The following PLEKHG1 variants were observed in gnomAD, a reference collection of about 807,000 sequenced individuals.
The protein encoded by PLEKHG1 is pleckstrin homology and RhoGEF domain containing G1.
In PLEKHG1, 44 loss-of-function variants were observed where a neutral mutation model predicts 100.8. The ratio of observed to expected loss-of-function variants is 0.44; its 90% CI spans 0.34 to 0.56. PLEKHG1 has a LOEUF of 0.56. Among genes scored for constraint, PLEKHG1 ranks in the 20% least tolerant of loss-of-function variants. The pLI is 0.01. For synonymous variants in PLEKHG1, 640 were observed against 662.5 expected, an observed-to-expected ratio of 0.97 and a Z score of 0.52; for missense variants, 1,545 against 1,720.9, an observed-to-expected ratio of 0.90 and a Z score of 1.81.
intron 1 of PLEKHG1, among the ~76,000 whole-genome samples, chr6:150,613,590 A>G (rs938344390): frequency 1.3e-5 from 2 of 152,242 alleles, no homozygotes; most frequent in African/African-American, 4.8e-5. Context: ...GAGGGGAAGC[A>G]GTAGAAAACA....
intron 4 of PLEKHG1, among the ~76,000 whole-genome samples, chr6:150,792,766 A>G (rs1203759772): frequency 6.6e-6 from 1 of 152,204 alleles, no homozygotes; most frequent in African/African-American, 2.4e-5. Context: ...CAGCAAGAGT[A>G]TCCCTGATAC....
intron 3 of PLEKHG1, among the ~76,000 whole-genome samples, chr6:150,777,570 A>G (rs1785056444): frequency 6.6e-6 from 1 of 150,768 alleles, no homozygotes; most frequent in Admixed American, 6.6e-5. Flanking sequence ...ATCCTGGTGT[A>G]CATGTGCGGT....
chr6:150,721,272 G>A (rs1175719811), intron 1 of PLEKHG1: 1 of 673,762 alleles, frequency 1.5e-6, no homozygotes, highest in Non-Finnish European at 1.8e-6. Context: ...GGAGCAGCCA[G>A]AGAGGTCCAC....
At chr6:150,637,655 C>G (rs573536152) in intron 1 of PLEKHG1, among the ~76,000 whole-genome samples, 1 of 151,998 alleles carries the variant, frequency 6.6e-6, no homozygotes, top group African/African-American at 2.4e-5. Flanking sequence ...GTTAGACTTA[C>G]GACATAGTTG....
At chr6:150,796,541 T>C (rs1786345847) in intron 5 of PLEKHG1, among the ~76,000 whole-genome samples, 1 of 152,216 alleles carries the variant, frequency 6.6e-6, no homozygotes, top group Non-Finnish European at 1.5e-5. Flanking sequence ...CGGTAGGAAT[T>C]TCTTTTTTTC....
chr6:150,748,615 C>CTTTTTTTTTT (rs746682669), intron 2 of PLEKHG1, among the ~76,000 whole-genome samples: 1 of 118,196 alleles, frequency 8.5e-6, no homozygotes, highest in Admixed American at 9.4e-5. Flanking sequence ...TACCTTTGAC[C>CTTTTTTTTTT]TTTTTTTTTT....
At chr6:150,620,929 G>A in intron 1 of PLEKHG1, among the ~76,000 whole-genome samples, 1 of 152,156 alleles carries the variant, frequency 6.6e-6, no homozygotes, top group Non-Finnish European at 1.5e-5. Flanking sequence ...ATAAAACTTG[G>A]TTGTTCATAA....
exon 16 of PLEKHG1, chr6:150,840,470 C>T: frequency 6.2e-7 from 1 of 1,614,180 alleles, no homozygotes; most frequent in Non-Finnish European, 8.5e-7. Flanking sequence ...CACTCCAAGA[C>T]TCACAGAAAG....
chr6:150,831,598 T>A lies in PLEKHG1; in HGVS notation c.2487T>A (p.Asp829Glu). The A allele has an allele frequency of 3.7e-6, 6 of 1,614,158 alleles. No individual in the cohort carries two copies. The highest frequency in any genetic ancestry group is 5.1e-6 in the Non-Finnish European group (6 of 1,180,020). ...CTATGCCTCATAAGCCTGTATCTGA[T>A]AAACTGTCCGAAGAAGTAGATGAAA... Residue 829 changes from aspartate to glutamate, a missense_variant, in exon 15 of 16, where the codon GAT becomes GAA. Asp to Glu is a conservative substitution (Grantham distance 45). Coordinates refer to ENST00000358517, the Ensembl canonical transcript of PLEKHG1. This position sits in a 1 kb window ranked among gnomAD's most constrained non-coding sequence, Gnocchi z 4.1.
chr6:150,662,220 T>G (rs1779221953), intron 3 of PLEKHG1, among the ~76,000 whole-genome samples: 1 of 152,242 alleles, frequency 6.6e-6, no homozygotes. Context: ...TTCTGGTGTC[T>G]TCAACACATT....
At chr6:150,665,895 G>C (rs893091898) in intron 3 of PLEKHG1, among the ~76,000 whole-genome samples, 33 of 152,202 alleles carry the variant, frequency 2.2e-4, no homozygotes, top group Admixed American at 2.0e-3. Context: ...GGAAGGCACA[G>C]TTAAGGCTAA....
intron 3 of PLEKHG1, among the ~76,000 whole-genome samples, chr6:150,664,798 G>T (rs1353355295): frequency 6.6e-6 from 1 of 152,194 alleles, no homozygotes; most frequent in East Asian, 1.9e-4. Flanking sequence ...TTTGGGATAC[G>T]TGCAAGAATC....
intron 1 of PLEKHG1, among the ~76,000 whole-genome samples, chr6:150,630,808 G>C (rs888853710): frequency 6.6e-6 from 1 of 152,146 alleles, no homozygotes; most frequent in African/African-American, 2.4e-5. Flanking sequence ...GCTGATCTCA[G>C]GGCACCCCAG....
At chr6:150,800,420 TC>T (rs1265110766) in intron 5 of PLEKHG1, among the ~76,000 whole-genome samples, 1 of 152,172 alleles carries the variant, frequency 6.6e-6, no homozygotes, top group Non-Finnish European at 1.5e-5. Context: ...AAAATCCCTC[TC>T]CAATAACTTT....
chr6:150,640,664 G>A (rs778500404), intron 2 of PLEKHG1, among the ~76,000 whole-genome samples: 22 of 152,100 alleles, frequency 1.4e-4, no homozygotes, highest in Non-Finnish European at 2.5e-4. Context: ...TAAGATACAT[G>A]GTGTTTCACT....
At chr6:150,803,150 C>A (rs1417325463) in intron 6 of PLEKHG1, among the ~76,000 whole-genome samples, 2 of 152,110 alleles carry the variant, frequency 1.3e-5, no homozygotes, top group Non-Finnish European at 2.9e-5. Flanking sequence ...AATGTAAATT[C>A]TTTTACAGTT....
chr6:150,752,478 G>A (rs1783575372), intron 2 of PLEKHG1, among the ~76,000 whole-genome samples: 1 of 152,072 alleles, frequency 6.6e-6, no homozygotes, highest in Admixed American at 6.5e-5. Flanking sequence ...GCAACCTCCA[G>A]TCTACTTTCT....
intron 1 of PLEKHG1, among the ~76,000 whole-genome samples, chr6:150,724,867 A>G (rs1405948089): frequency 1.3e-5 from 2 of 152,000 alleles, no homozygotes; most frequent in African/African-American, 4.8e-5. Context: ...GGCCTAGGGA[A>G]TTTCTTTAGG....
At chr6:150,635,756 A>G (rs1239833116) in intron 1 of PLEKHG1, among the ~76,000 whole-genome samples, 1 of 152,194 alleles carries the variant, frequency 6.6e-6, no homozygotes, top group Non-Finnish European at 1.5e-5. Flanking sequence ...TATAAGCTAC[A>G]TCCTGATTTC....
Sources: gnomAD v4.1 joint callset for allele counts (sites outside exome capture counted in the v4.1 genomes callset) on GRCh38, gnomAD v4.1.1 for gene constraint, Gnocchi (gnomAD v3.1) non-coding constraint, MANE v1.5 for transcripts, NCBI Gene and HGNC (gene_info 2026-07-23, HGNC 2026-07-21) for gene names.